Variants in LRCH1 observed in about 807,000 individuals in gnomAD.
The protein encoded by LRCH1 is leucine rich repeats and calponin homology domain containing 1.
In LRCH1, 23 loss-of-function variants were observed where a neutral mutation model predicts 94.9. That is an observed-to-expected ratio of 0.24 (90% CI 0.17 to 0.34). LRCH1 has a LOEUF of 0.34. Ranked by LOEUF, LRCH1 falls within the 10% of genes least tolerant of loss-of-function variation. The pLI is 1.00. For synonymous variants in LRCH1, 364 were observed against 354.9 expected, an observed-to-expected ratio of 1.03 and a Z score of -0.29; for missense variants, 790 against 945.9, an observed-to-expected ratio of 0.84 and a Z score of 2.16.
chr13:46,554,075 G>C (rs1267193263), intron 1 of LRCH1, among the ~76,000 whole-genome samples: 1 of 152,250 alleles, frequency 6.6e-6, no homozygotes, highest in Non-Finnish European at 1.5e-5. Flanking sequence ...CGGCTGTGTC[G>C]GCTTCCTGGG....
At position 46,553,185 on chromosome 13, in the gene LRCH1, C is replaced by G; in HGVS notation, c.-212C>G. The stretch of plus-strand genomic sequence containing the variant: ...CGCCGCCGCCGCAGTCCTTAGCTTC[C>G]CGGGGACAGGAAACCTTCAAGACCG... On this transcript the variant is annotated 5_prime_UTR_variant, in exon 1 of 20. Coordinates refer to ENST00000389797, the MANE Select transcript of LRCH1 (RefSeq NM_001164211.2). The G allele has an allele frequency of 1.8e-6, 1 of 571,308 alleles. No individual in the cohort carries two copies. Among genetic ancestry groups the G allele is most frequent in the Middle Eastern group, 4.7e-4 (1 of 2,124 alleles). 35.4% of individuals were successfully genotyped at this position (571,308 alleles called of 1,614,324 possible). A position where few individuals can be genotyped will look rare whatever the true frequency, so the allele number is the denominator to read the frequency against.
chr13:46,575,735 A>C (rs553999420), intron 1 of LRCH1, among the ~76,000 whole-genome samples: 2 of 152,306 alleles, frequency 1.3e-5, no homozygotes, highest in Admixed American at 6.5e-5. Context: ...GAATTGAATG[A>C]TACAGAAACC....
intron 1 of LRCH1, among the ~76,000 whole-genome samples, chr13:46,610,294 G>GT (rs1459385216): frequency 6.6e-6 from 1 of 152,036 alleles, no homozygotes; most frequent in African/African-American, 2.4e-5. Flanking sequence ...TTGGCTCACT[G>GT]TTTTGTGTTC....
chr13:46,744,706 G>T lies in LRCH1; in HGVS notation c.*2858G>T. 1 of 985,382 alleles carries T rather than the reference G, an allele frequency of 1.0e-6. No individual in the cohort carries two copies. The highest frequency in any genetic ancestry group is 1.2e-6 in the Non-Finnish European group (1 of 829,918). The allele number at this position is 985,382 out of a possible 1,614,324, so 61.0% of individuals were successfully genotyped here. A position where few individuals can be genotyped will look rare whatever the true frequency, so the allele number is the denominator to read the frequency against. Reference sequence around the variant, plus strand: ...ATGTAGATGCCTGATTGAGTCATAAGGACAAAAGGGTGTTTTGCCTTTGCC... The same window carrying T: ...ATGTAGATGCCTGATTGAGTCATAATGACAAAAGGGTGTTTTGCCTTTGCC... On this transcript the variant is annotated 3_prime_UTR_variant, in exon 20 of 20. Coordinates refer to ENST00000389797, the MANE Select transcript of LRCH1 (RefSeq NM_001164211.2).
chr13:46,572,803 A>G (rs1421940096), intron 1 of LRCH1, among the ~76,000 whole-genome samples: 1 of 152,072 alleles, frequency 6.6e-6, no homozygotes, highest in Non-Finnish European at 1.5e-5. Flanking sequence ...CCATCCAGCA[A>G]ATATTTATTA....
chr13:46,618,000 T>C (rs1018366966), intron 1 of LRCH1, among the ~76,000 whole-genome samples: 2 of 152,090 alleles, frequency 1.3e-5, no homozygotes, highest in Non-Finnish European at 2.9e-5. Context: ...ATGATACCCT[T>C]AGTGTCTTCT....
intron 11 of LRCH1, among the ~76,000 whole-genome samples, chr13:46,704,606 TG>T (rs1407704839): frequency 6.6e-6 from 1 of 152,066 alleles, no homozygotes; most frequent in Admixed American, 6.6e-5. Context: ...AGAAACTGTT[TG>T]AGACTATTTC....
intron 2 of LRCH1, among the ~76,000 whole-genome samples, chr13:46,665,167 C>T (rs1419498483): frequency 1.3e-5 from 2 of 152,026 alleles, no homozygotes; most frequent in Non-Finnish European, 2.9e-5. Flanking sequence ...GGGTATTATG[C>T]TCTGTTAATA....
intron 1 of LRCH1, among the ~76,000 whole-genome samples, chr13:46,573,866 A>ATATATATATATATATATATATATTTTTT: frequency 3.8e-4 from 24 of 63,352 alleles, no homozygotes; most frequent in East Asian, 6.6e-4. Flanking sequence ...ATATATATAT[A>ATATATATATATATATATATATATTTTTT]TTTTTTTTTT....
At chr13:46,637,076 T>C (rs1251992172) in intron 1 of LRCH1, among the ~76,000 whole-genome samples, 1 of 152,236 alleles carries the variant, frequency 6.6e-6, no homozygotes, top group Non-Finnish European at 1.5e-5. Flanking sequence ...GCCATAGGCT[T>C]CCACATCTGA....
rs182359642 is a variant in LRCH1 at position 46,657,494 on chromosome 13, T to A, written c.452+7149T>A. 3.8e-3 allele frequency among the ~76,000 whole-genome samples: 436 copies of A among 116,022 alleles called. 3 individuals are homozygous for A. The highest frequency in any genetic ancestry group is 0.013 in the African/African-American group (416 of 31,452). 76.1% of individuals were successfully genotyped at this position (116,022 alleles called of 152,430 possible). On this transcript the variant is annotated intron_variant, in intron 2 of 19. Coordinates refer to ENST00000389797, the MANE Select transcript of LRCH1 (RefSeq NM_001164211.2). ...CTTCTTTCATTTTTACTTTTTCTTTTCTTTTCTTTTTTTTTTTTTTTTTTT... is the reference window on the plus strand; with the variant it reads ...CTTCTTTCATTTTTACTTTTTCTTTACTTTTCTTTTTTTTTTTTTTTTTTT...
At chr13:46,719,771 G>A (rs920852939) in intron 16 of LRCH1, among the ~76,000 whole-genome samples, 2 of 152,212 alleles carry the variant, frequency 1.3e-5, no homozygotes, top group African/African-American at 2.4e-5. Flanking sequence ...GCTGAGGCAG[G>A]TGGATCGCTT....
At chr13:46,705,510 A>T (rs747867147) in intron 13 of LRCH1, 11 of 695,486 alleles carry the variant, frequency 1.6e-5, no homozygotes, top group Admixed American at 8.1e-5. Context: ...CCTCTGTTGA[A>T]GATGAGAGTT....
Position 46,743,658 on chromosome 13 carries a change from C to T in LRCH1, c.*1810C>T, listed in dbSNP as rs1873777571. 1.5e-5 allele frequency: 15 copies of T among 985,320 alleles called. No individual in the cohort carries two copies. The highest frequency in any genetic ancestry group is 1.8e-5 in the Non-Finnish European group (15 of 829,914). The allele number at this position is 985,320 out of a possible 1,614,324, so 61.0% of individuals were successfully genotyped here. ...ATGAGCTCTCAGCATTCCCATCCAG[C>T]TCTGCAGTGCATTGAGGCTTCTCTT... On this transcript the variant is annotated 3_prime_UTR_variant, in exon 20 of 20. Transcript: ENST00000389797.
chr13:46,670,675 A>G (rs2051587620), intron 3 of LRCH1, among the ~76,000 whole-genome samples: 1 of 101,284 alleles, frequency 9.9e-6, no homozygotes, highest in Admixed American at 1.3e-4. Context: ...CCCTGTCCCC[A>G]AAAGTTTCTA....
At chr13:46,603,597 G>A (rs1312840525) in intron 1 of LRCH1, among the ~76,000 whole-genome samples, 2 of 152,138 alleles carry the variant, frequency 1.3e-5, no homozygotes, top group Non-Finnish European at 2.9e-5. Flanking sequence ...ACCATTTTAA[G>A]CATTGGTAGT....
intron 1 of LRCH1, among the ~76,000 whole-genome samples, chr13:46,624,983 G>A (rs578050581): frequency 6.6e-6 from 1 of 152,198 alleles, no homozygotes; most frequent in Admixed American, 6.5e-5. Flanking sequence ...GCATCCTCAG[G>A]GTTCTGTTTA....
rs748376034 is a variant in LRCH1, at chr13:46,741,869, C to T, written c.*21C>T. 8.7e-6 allele frequency: 14 copies of T among 1,612,998 alleles called. No homozygotes were observed. Among genetic ancestry groups the T allele is most frequent in the Admixed American group, 3.3e-5 (2 of 60,008 alleles). On this transcript the variant is annotated 3_prime_UTR_variant, in exon 20 of 20. Transcript: ENST00000389797. Reference sequence around the variant, plus strand: ...CATAATGTCTGCACGTGCATCCAAACGCTGTGCTCTGTCGCCCTCAACCTT... The same window carrying T: ...CATAATGTCTGCACGTGCATCCAAATGCTGTGCTCTGTCGCCCTCAACCTT...
chr13:46,667,937 A>G (rs1168720617), intron 2 of LRCH1, among the ~76,000 whole-genome samples: 3 of 152,216 alleles, frequency 2.0e-5, no homozygotes, highest in Non-Finnish European at 4.4e-5. Context: ...AGATACATGC[A>G]TGTCTATAAA....
Sources: allele counts gnomAD v4.1 joint callset (sites outside exome capture counted in the v4.1 genomes callset), GRCh38; gene constraint gnomAD v4.1.1; transcripts MANE v1.5; gene names NCBI Gene and HGNC (gene_info 2026-07-23, HGNC 2026-07-21).